Variants in PCBD1 observed in about 807,000 individuals in gnomAD.
PCBD1 encodes the protein pterin-4-alpha-carbinolamine dehydratase.
A neutral mutation model predicts 12.6 loss-of-function variants in PCBD1; 16 were observed. The observed-to-expected ratio is 1.27, with a 90% CI of 0.86 to 1.93. The LOEUF is 1.93. PCBD1 is among the 30% of genes most tolerant of loss of function. PCBD1 has a pLI of 0.00. For synonymous variants in PCBD1, 53 were observed against 50.2 expected (o/e 1.05, Z -0.23); for missense variants, 86 against 130.1 (o/e 0.66, Z 1.65).
At chr10:70,882,629 C>T (rs566892621), downstream of PCBD1, 1 of 152,208 alleles carries the variant, frequency 6.6e-6, no homozygotes, top group Admixed American at 6.5e-5. Context: ...CAGGCCTTCA[C>T]CTGGTTGAAT....
At chr10:70,885,753 C>A (rs1374544731) in intron 2 of PCBD1, 45 bp downstream of exon 2, 2 of 1,611,576 alleles carry the variant, frequency 1.2e-6, no homozygotes, top group African/African-American at 2.7e-5. Flanking sequence ...TAAGGTGACC[C>A]CATCAGCCCG....
chr10:70,887,663 A>G (rs1220311813), intron 1 of PCBD1, among the ~76,000 whole-genome samples: 1 of 151,974 alleles, frequency 6.6e-6, no homozygotes, highest in Non-Finnish European at 1.5e-5. Context: ...GAACTGACAA[A>G]CCTTCCAGGT....
chr10:70,883,786 G>A lies in PCBD1; in HGVS notation c.*164C>T. 1.3e-6 allele frequency: 2 copies of A among 1,510,524 alleles called. No homozygotes were observed. The highest frequency in any genetic ancestry group is 1.8e-6 in the Non-Finnish European group (2 of 1,128,854). 93.6% of individuals were successfully genotyped at this position (1,510,524 alleles called of 1,614,324 possible). ...GGAAAAGGTCTAAATTCCTGGTGTT[G>A]GTGGGGACACTGGCACATCCCACAG... is the stretch of plus-strand genomic sequence containing the variant. On this transcript the variant is annotated 3_prime_UTR_variant, in exon 4 of 4. Coordinates refer to ENST00000299299, the MANE Select transcript of PCBD1 (RefSeq NM_000281.4).
rs1846544775 is a variant in PCBD1 at position 70,884,131 on chromosome 10, T to C, written c.217-83A>G. 2.8e-6 allele frequency: 4 copies of C among 1,414,952 alleles called. No homozygotes were observed. The African/African-American group carries it at 5.6e-5, about 20-fold the overall frequency. The allele number at this position is 1,414,952 out of a possible 1,614,324, so 87.6% of individuals were successfully genotyped here. ...CACTAGCTGCTGGGCTCAGCCCTGCTAGGAGCTCCAGAATAGCAGCTGGCC... is the reference window on the plus strand; with the variant it reads ...CACTAGCTGCTGGGCTCAGCCCTGCCAGGAGCTCCAGAATAGCAGCTGGCC... On this transcript the variant is annotated intron_variant, in intron 3 of 3. Transcript: ENST00000299299.
At chr10:70,885,323 T>G in intron 2 of PCBD1, 91 bp from the exon 3 acceptor site, 1 of 924,258 alleles carries the variant, frequency 1.1e-6, no homozygotes, top group East Asian at 2.5e-5. Context: ...GGAGGATGAA[T>G]TAGCTTCCCC....
chr10:70,885,362 C>A, intron 2 of PCBD1, 130 bp from the exon 3 acceptor site: 1 of 726,636 alleles, frequency 1.4e-6, no homozygotes. Context: ...ATCATTTCCC[C>A]CTTGACATCC....
intron 1 of PCBD1, among the ~76,000 whole-genome samples, chr10:70,886,131 G>A (rs754307823): frequency 2.6e-5 from 4 of 152,118 alleles, no homozygotes; most frequent in South Asian, 2.1e-4. Context: ...CTCGTCTGCC[G>A]ATAGGCCCTC....
chr10:70,883,724 G>C lies in PCBD1; in HGVS notation c.*226C>G. 7.1e-7 allele frequency: 1 copy of C among 1,407,274 alleles called. No individual in the cohort carries two copies. The highest frequency in any genetic ancestry group is 9.3e-7 in the Non-Finnish European group (1 of 1,080,368). 87.2% of individuals were successfully genotyped at this position (1,407,274 alleles called of 1,614,324 possible). A position where few individuals can be genotyped will look rare whatever the true frequency, so the allele number is the denominator to read the frequency against. ...GAAAGGGGAGAGTTTATTCAAATTA[G>C]TGTAACAGAGCCCCCAGGATGAAGA... On this transcript the variant is annotated 3_prime_UTR_variant, in exon 4 of 4. Transcript: ENST00000299299.
At chr10:70,882,749 G>A (rs1351029139), downstream of PCBD1, among the ~76,000 whole-genome samples, 1 of 152,212 alleles carries the variant, frequency 6.6e-6, no homozygotes, top group Non-Finnish European at 1.5e-5. Flanking sequence ...TTGACCAAAT[G>A]CCTGGGCACC....
rs1247957911 is a variant in PCBD1, at chr10:70,885,190, G to C, written c.178C>G (p.Leu60Val). The change falls in exon 3 of 4, where the codon CTG (leucine) becomes GTG (valine). Residue 60 changes from leucine (L) to valine (V), a missense_variant. Coordinates refer to ENST00000299299, the MANE Select transcript of PCBD1 (RefSeq NM_000281.4). ...MTRVALQAEKLDHHPEWFNVY... is the reference protein window; with the variant it reads ...MTRVALQAEKVDHHPEWFNVY... ...TTAAACCATTCAGGATGGTGGTCCA[G>C]TTTCTCAGCCTGCAGGGCCACTCTT... 2.5e-6 allele frequency: 4 copies of C among 1,614,050 alleles called. No homozygotes were observed. The highest frequency in any genetic ancestry group is 2.5e-6 in the Non-Finnish European group (3 of 1,179,986).
chr10:70,885,316 G>T, intron 2 of PCBD1, 84 bp from the exon 3 acceptor site: 1 of 986,832 alleles, frequency 1.0e-6, no homozygotes, highest in Non-Finnish European at 1.6e-6. Context: ...AGACGCAGGA[G>T]GATGAATTAG....
In PCBD1 at chr10:70,883,754, G is replaced by A; in HGVS notation, c.*196C>T. 4.1e-6 allele frequency: 6 copies of A among 1,464,784 alleles called. No homozygotes were observed. Among genetic ancestry groups the A allele is most frequent in the Non-Finnish European group, 4.5e-6 (5 of 1,106,468 alleles). The allele number at this position is 1,464,784 out of a possible 1,614,324, so 90.7% of individuals were successfully genotyped here. A position where few individuals can be genotyped will look rare whatever the true frequency, so the allele number is the denominator to read the frequency against. ...ACAGAGCCCCCAGGATGAAGAGAGT[G>A]GTGCAGGGAAAAGGTCTAAATTCCT... On this transcript the variant is annotated 3_prime_UTR_variant, in exon 4 of 4. Transcript: ENST00000299299.
chr10:70,884,693 A>G (rs1446928877), intron 3 of PCBD1, among the ~76,000 whole-genome samples: 1 of 152,084 alleles, frequency 6.6e-6, no homozygotes, highest in Non-Finnish European at 1.5e-5. Flanking sequence ...CATGTTAGCC[A>G]GGAGGGTCTT....
rs371975962 is a variant in PCBD1 at position 70,885,263 on chromosome 10, G to A, written c.136-31C>T. On this transcript the variant is annotated intron_variant, in intron 2 of 3. Transcript: ENST00000299299. ...TAAGTGGAGTGAGAGCCAGGTTAGT[G>A]TTCTAAGAGAAAGGACTTCTGGACA... 11 of 1,567,388 alleles carry A rather than the reference G, an allele frequency of 7.0e-6. No individual in the cohort carries two copies. In the African/African-American group the frequency reaches 1.5e-4, roughly 21 times the overall value.
chr10:70,883,000 T>C (rs745349328), downstream of PCBD1, among the ~76,000 whole-genome samples: 7 of 152,228 alleles, frequency 4.6e-5, no homozygotes, highest in Non-Finnish European at 7.3e-5. Flanking sequence ...GATTTTGGAT[T>C]TCCAATTTTC....
chr10:70,887,629 C>A (rs769703791), intron 1 of PCBD1, among the ~76,000 whole-genome samples: 26 of 152,106 alleles, frequency 1.7e-4, no homozygotes, highest in Non-Finnish European at 2.6e-4. Flanking sequence ...TTCTGGAACC[C>A]CCCAGGTCGC....
At chr10:70,883,458 A>G (rs1846528656), downstream of PCBD1, 1 of 957,464 alleles carries the variant, frequency 1.0e-6, no homozygotes, top group African/African-American at 1.7e-5. Flanking sequence ...TTAAATGCCT[A>G]TTGACTCCAA....
intron 1 of PCBD1, among the ~76,000 whole-genome samples, chr10:70,887,394 G>A (rs1274743020): frequency 6.6e-6 from 1 of 152,106 alleles, no homozygotes; most frequent in Non-Finnish European, 1.5e-5. Context: ...CTCGGCTCTG[G>A]ATGACTATAG....
At chr10:70,888,474 G>A in intron 1 of PCBD1, 57 bp downstream of exon 1, 1 of 1,456,032 alleles carries the variant, frequency 6.9e-7, no homozygotes, top group South Asian at 1.3e-5. Context: ...CTCCCACCTC[G>A]CCCGCGGCTG....
Sources: gnomAD v4.1 joint callset for allele counts (sites outside exome capture counted in the v4.1 genomes callset) on GRCh38, gnomAD v4.1.1 for gene constraint, MANE v1.5 for transcripts, NCBI Gene and HGNC (gene_info 2026-07-23, HGNC 2026-07-21) for gene names.